The following ZC3H4 variants were observed in gnomAD, a reference collection of about 807,000 sequenced individuals.
ZC3H4 encodes zinc finger CCCH-type containing 4, also known as zinc finger CCCH domain-containing protein 4.
A neutral mutation model predicts 108.3 loss-of-function variants in ZC3H4; 13 were observed. The observed-to-expected ratio is 0.12, with a 90% CI of 0.08 to 0.19. The LOEUF is 0.19. ZC3H4 is among the 10% of genes least tolerant of loss of function. ZC3H4 has a pLI of 1.00. For synonymous variants in ZC3H4, 917 were observed against 749.6 expected (o/e 1.22, Z -3.65); for missense variants, 1,734 against 1,838.8 (o/e 0.94, Z 1.04).
intron 11 of ZC3H4, among the ~76,000 whole-genome samples, chr19:47,074,349 C>T (rs2057380414): frequency 6.6e-6 from 1 of 152,230 alleles, no homozygotes; most frequent in Admixed American, 6.5e-5. Context: ...TCCAAGAGGG[C>T]AGGACTGTTT....
At chr19:47,088,946 G>A (rs1012459835) in intron 5 of ZC3H4, among the ~76,000 whole-genome samples, 25 of 152,146 alleles carry the variant, frequency 1.6e-4, no homozygotes, top group Admixed American at 7.9e-4. Flanking sequence ...GGTGGCTCAC[G>A]CCTGTAATCC....
chr19:47,078,717 G>A (rs924119527), intron 11 of ZC3H4, among the ~76,000 whole-genome samples: 20 of 152,020 alleles, frequency 1.3e-4, no homozygotes, highest in Non-Finnish European at 8.8e-5. Context: ...AAACTCAGCT[G>A]GGCATGGTGG....
intron 2 of ZC3H4, among the ~76,000 whole-genome samples, chr19:47,102,707 A>C (rs1339817419): frequency 1.3e-5 from 2 of 152,106 alleles, no homozygotes; most frequent in Non-Finnish European, 2.9e-5. Flanking sequence ...GCATTTCAAA[A>C]ACCTAACCAA....
chr19:47,089,957 C>T lies in ZC3H4; in HGVS notation c.715+10G>A, dbSNP rs1214847259. ...TGCCCCAGAGGAGAAACTGTAAGGG[C>T]AGGGCTCACCTCGGCCGCGGCTGCT... is the stretch of plus-strand genomic sequence containing the variant. On this transcript the variant is annotated intron_variant, in intron 5 of 14. Transcript: ENST00000253048. 8 of 1,613,904 alleles carry T rather than the reference C, an allele frequency of 5.0e-6. No homozygotes were observed. The highest frequency in any genetic ancestry group is 2.2e-5 in the East Asian group (1 of 44,876).
At chr19:47,076,285 C>G (rs546155786) in intron 11 of ZC3H4, among the ~76,000 whole-genome samples, 1 of 152,160 alleles carries the variant, frequency 6.6e-6, no homozygotes, top group East Asian at 1.9e-4. Flanking sequence ...ATGCCAAGTG[C>G]AAGAAGCCAG....
At chr19:47,082,158 G>A in intron 10 of ZC3H4, 26 bp downstream of exon 10, 1 of 1,586,736 alleles carries the variant, frequency 6.3e-7, no homozygotes, top group Non-Finnish European at 8.7e-7. Context: ...CCCTCATTCA[G>A]ACCAGATGCT....
chr19:47,110,840 G>A (rs2058029592), intron 2 of ZC3H4: 1 of 903,242 alleles, frequency 1.1e-6, no homozygotes. Flanking sequence ...GCGATTCCCA[G>A]GACGATACAT....
intron 9 of ZC3H4, among the ~76,000 whole-genome samples, chr19:47,083,968 C>G (rs1449852613): frequency 6.6e-6 from 1 of 152,126 alleles, no homozygotes; most frequent in Non-Finnish European, 1.5e-5. Context: ...TCCTCCCCTC[C>G]TCTTCTGTTT....
chr19:47,094,229 G>T, intron 3 of ZC3H4, 149 bp from the exon 4 acceptor site: 2 of 1,099,732 alleles, frequency 1.8e-6, no homozygotes, highest in Non-Finnish European at 2.7e-6. Flanking sequence ...TGGCAATGAA[G>T]CATAAGCTAC....
chr19:47,066,507 G>A lies in ZC3H4; in HGVS notation c.3761C>T (p.Thr1254Ile). ...TGTCTGCTTCACCGTCCCGAAGAGG[G>A]TGGGCACGGGCAGGTTGTGCACCCC... ...QPGVHNLPVP[T>I]LFGTVKQTPK... Residue 1254 changes from threonine (T) to isoleucine (I), a missense_variant, in exon 15 of 15, where the codon ACC becomes ATC. Physicochemically the swap from Thr to Ile is moderately conservative, Grantham distance 89. Coordinates refer to ENST00000253048, the MANE Select transcript of ZC3H4 (RefSeq NM_015168.2). 1 of 1,576,118 alleles carries A rather than the reference G, an allele frequency of 6.3e-7. No individual in the cohort carries two copies. The highest frequency in any genetic ancestry group is 8.6e-7 in the Non-Finnish European group (1 of 1,160,062).
At chr19:47,074,934 T>C (rs558582492) in intron 11 of ZC3H4, among the ~76,000 whole-genome samples, 3 of 152,310 alleles carry the variant, frequency 2.0e-5, no homozygotes, top group Admixed American at 2.0e-4. Context: ...CCCCAGCAAG[T>C]TGCTCTGGGT....
At position 47,094,602 on chromosome 19, in the gene ZC3H4, A is replaced by G. The variant is rs761215309; in HGVS notation, c.168T>C (p.Asp56=). ...HRLPLPDDRE[D]GELEEGELED... ...CCAATTCACCTTCTTCCAACTCTCCATCTTCCCTACAAACAAACCCCAATC... is the reference window on the plus strand; with the variant it reads ...CCAATTCACCTTCTTCCAACTCTCCGTCTTCCCTACAAACAAACCCCAATC... Residue 56 remains aspartate, a synonymous_variant, in exon 3 of 15, where the codon GAT becomes GAC. Coordinates refer to ENST00000253048, the MANE Select transcript of ZC3H4 (RefSeq NM_015168.2). 4 of 1,613,652 alleles carry G rather than the reference A, an allele frequency of 2.5e-6. No homozygotes were observed. Among genetic ancestry groups the G allele is most frequent in the South Asian group, 2.2e-5 (2 of 91,078 alleles).
At chr19:47,077,905 G>A (rs2057452028) in intron 11 of ZC3H4, among the ~76,000 whole-genome samples, 1 of 151,308 alleles carries the variant, frequency 6.6e-6, no homozygotes, top group Non-Finnish European at 1.5e-5. Flanking sequence ...CAGGAAAAAG[G>A]TCTGTGTGCA....
chr19:47,086,907 C>T (rs1169601140), intron 5 of ZC3H4, among the ~76,000 whole-genome samples: 1 of 152,022 alleles, frequency 6.6e-6, no homozygotes, highest in Non-Finnish European at 1.5e-5. Flanking sequence ...ACAAGACAAG[C>T]TAGCCCTGTA....
At chr19:47,088,719 G>A (rs1172153063) in intron 5 of ZC3H4, among the ~76,000 whole-genome samples, 1 of 152,016 alleles carries the variant, frequency 6.6e-6, no homozygotes, top group African/African-American at 2.4e-5. Context: ...TCCAACTCCC[G>A]GGCTCAAGTG....
At chr19:47,080,795 G>C in intron 11 of ZC3H4, among the ~76,000 whole-genome samples, 1 of 151,974 alleles carries the variant, frequency 6.6e-6, no homozygotes, top group Non-Finnish European at 1.5e-5. Flanking sequence ...ACCACAACTA[G>C]CTAATTTTTA....
At chr19:47,105,238 A>G (rs1269498020) in intron 2 of ZC3H4, among the ~76,000 whole-genome samples, 2 of 152,086 alleles carry the variant, frequency 1.3e-5, no homozygotes, top group African/African-American at 4.8e-5. Flanking sequence ...TTTCTACTCA[A>G]CTCTGCTGCT....
intron 4 of ZC3H4, among the ~76,000 whole-genome samples, chr19:47,091,511 A>T (rs184870564): frequency 6.6e-6 from 1 of 151,734 alleles, no homozygotes; most frequent in East Asian, 1.9e-4. Flanking sequence ...GAGGCAGAGG[A>T]TGCGGTGAGG....
At chr19:47,093,290 A>C (rs891262225) in intron 4 of ZC3H4, among the ~76,000 whole-genome samples, 2 of 152,114 alleles carry the variant, frequency 1.3e-5, no homozygotes, top group Admixed American at 6.6e-5. Flanking sequence ...ATGGTATACA[A>C]ACTGAACAAA....
Sources: gnomAD v4.1 joint callset for allele counts (sites outside exome capture counted in the v4.1 genomes callset) on GRCh38, gnomAD v4.1.1 for gene constraint, MANE v1.5 for transcripts, NCBI Gene and HGNC (gene_info 2026-07-23, HGNC 2026-07-21) for gene names.